The following RPSA2 variants were observed in gnomAD, a reference collection of about 807,000 sequenced individuals.
The protein encoded by RPSA2 is ribosomal protein SA 2.
chr19:23,861,888 G>A, the RPSA2 span, among the ~76,000 whole-genome samples: 1 of 152,052 alleles, frequency 6.6e-6, no homozygotes, highest in Non-Finnish European at 1.5e-5. Flanking sequence ...GGAGAACTCT[G>A]CACACAGGAG....
the RPSA2 span, among the ~76,000 whole-genome samples, chr19:23,783,570 T>G: frequency 1.3e-5 from 2 of 151,790 alleles, no homozygotes; most frequent in Non-Finnish European, 1.5e-5. Context: ...TGTGACAGAT[T>G]TCTGGACCAA....
the RPSA2 span, among the ~76,000 whole-genome samples, chr19:23,837,259 G>C: frequency 2.6e-5 from 4 of 151,896 alleles, no homozygotes; most frequent in Non-Finnish European, 5.9e-5. Context: ...CCCACTTTAT[G>C]TTTTTGTTTG....
chr19:23,815,027 G>A, the RPSA2 span, among the ~76,000 whole-genome samples: 1 of 152,078 alleles, frequency 6.6e-6, no homozygotes, highest in Non-Finnish European at 1.5e-5. Context: ...TTGATTATTT[G>A]TAGGGATAGA....
chr19:23,866,552 CCTCT>C, the RPSA2 span, among the ~76,000 whole-genome samples: 2 of 138,980 alleles, frequency 1.4e-5, no homozygotes, highest in African/African-American at 5.3e-5. Context: ...AGGACTCTGT[CCTCT>C]CTGTAACAAA....
the RPSA2 span, chr19:23,819,034 A>G: frequency 4.6e-5 from 7 of 152,192 alleles, no homozygotes; most frequent in Non-Finnish European, 1.0e-4. Context: ...TAGCAAAAGT[A>G]ATGAATAACA....
the RPSA2 span, among the ~76,000 whole-genome samples, chr19:23,773,281 T>C: frequency 1.4e-5 from 1 of 69,152 alleles, no homozygotes; most frequent in South Asian, 7.7e-4. Context: ...TATATATATA[T>C]ATATATCAAA....
the RPSA2 span, among the ~76,000 whole-genome samples, chr19:23,836,883 T>A: frequency 5.9e-5 from 9 of 152,294 alleles, no homozygotes; most frequent in Admixed American, 6.5e-5. Flanking sequence ...TGTATATTAG[T>A]CCTTTGTCAG....
the RPSA2 span, among the ~76,000 whole-genome samples, chr19:23,767,541 C>A: frequency 4.6e-5 from 7 of 152,078 alleles, no homozygotes; most frequent in African/African-American, 1.7e-4. Flanking sequence ...ATGCAAGAAC[C>A]TGCAAGCAAA....
At chr19:23,816,111 T>C in the RPSA2 span, among the ~76,000 whole-genome samples, 7 of 152,224 alleles carry the variant, frequency 4.6e-5, no homozygotes, top group South Asian at 1.5e-3. Context: ...TATTTTTTCT[T>C]TTTATAATTT....
the RPSA2 span, among the ~76,000 whole-genome samples, chr19:23,867,330 T>C: frequency 2.6e-5 from 4 of 152,244 alleles, no homozygotes; most frequent in East Asian, 5.8e-4. Context: ...TGGACAATCA[T>C]GTACTTTCCA....
the RPSA2 span, among the ~76,000 whole-genome samples, chr19:23,802,595 C>T: frequency 6.6e-6 from 1 of 152,146 alleles, no homozygotes; most frequent in Non-Finnish European, 1.5e-5. Flanking sequence ...TGTGTTCCTC[C>T]CATCATACAA....
the RPSA2 span, among the ~76,000 whole-genome samples, chr19:23,849,580 C>T: frequency 9.9e-5 from 15 of 152,254 alleles, no homozygotes; most frequent in South Asian, 1.0e-3. Context: ...GAATATCATA[C>T]GAGGCCTCAG....
chr19:23,780,947 T>C, the RPSA2 span, among the ~76,000 whole-genome samples: 1 of 152,208 alleles, frequency 6.6e-6, no homozygotes, highest in Non-Finnish European at 1.5e-5. Context: ...GAAAATTGAC[T>C]CTCATTTGTG....
the RPSA2 span, chr19:23,758,691 T>G: frequency 3.1e-6 from 5 of 1,613,762 alleles, no homozygotes; most frequent in African/African-American, 1.3e-5. Flanking sequence ...CGGCGAGGTC[T>G]GAGTCCCGCC....
At chr19:23,805,907 G>A in the RPSA2 span, among the ~76,000 whole-genome samples, 148,926 of 152,250 alleles carry the variant, frequency 0.98, 72,929 homozygotes, top group Middle Eastern at 1. Flanking sequence ...CTTATATGCC[G>A]TGCAGAATTC....
At chr19:23,829,261 G>A in the RPSA2 span, among the ~76,000 whole-genome samples, 4 of 151,794 alleles carry the variant, frequency 2.6e-5, no homozygotes, top group Admixed American at 2.0e-4. Context: ...TTCCATCTTT[G>A]TGTCTTTTTG....
At chr19:23,780,104 C>T in the RPSA2 span, among the ~76,000 whole-genome samples, 1 of 152,136 alleles carries the variant, frequency 6.6e-6, no homozygotes, top group African/African-American at 2.4e-5. Context: ...TCTCTCACAG[C>T]TAGGCTTACA....
the RPSA2 span, among the ~76,000 whole-genome samples, chr19:23,805,813 A>G: frequency 6.6e-6 from 1 of 152,072 alleles, no homozygotes; most frequent in South Asian, 2.1e-4. Context: ...TTTCTTAACT[A>G]CTTTTATAAA....
At chr19:23,852,918 T>A in the RPSA2 span, among the ~76,000 whole-genome samples, 2 of 152,254 alleles carry the variant, frequency 1.3e-5, no homozygotes, top group Non-Finnish European at 2.9e-5. Context: ...TGTTGAATTT[T>A]ATCCTGAGCA....
Sources: gnomAD v4.1 joint callset for allele counts (sites outside exome capture counted in the v4.1 genomes callset) on GRCh38, gnomAD v4.1.1 for gene constraint, MANE v1.5 for transcripts, NCBI Gene and HGNC (gene_info 2026-07-23, HGNC 2026-07-21) for gene names.